VPS53: variants seen among roughly 807,000 people sequenced by gnomAD.
VPS53 encodes VPS53 subunit of GARP complex, also known as vacuolar protein sorting-associated protein 53 homolog.
In VPS53, 70 loss-of-function variants were observed where a neutral mutation model predicts 107.0. The ratio of observed to expected loss-of-function variants is 0.65; its 90% CI spans 0.54 to 0.80. The LOEUF (loss-of-function observed/expected upper bound fraction) is 0.80, where lower values mean the gene tolerates loss of function less well. VPS53 is among the 30% of genes least tolerant of loss of function. The pLI is 0.00. For missense variants in VPS53, 917 were observed against 1,049.4 expected (o/e 0.87, Z 1.74); for synonymous variants, 409 against 393.3 (o/e 1.04, Z -0.47).
chr17:662,004 T>A, intron 4 of VPS53, 109 bp from the exon 5 acceptor site: 9 of 995,192 alleles, frequency 9.0e-6, no homozygotes, highest in Non-Finnish European at 1.3e-5. Flanking sequence ...CTCTCCTGAT[T>A]CATTGTACTT....
intron 19 of VPS53, among the ~76,000 whole-genome samples, chr17:531,592 T>C (rs984280422): frequency 4.6e-5 from 7 of 151,492 alleles, no homozygotes; most frequent in African/African-American, 1.7e-4. Flanking sequence ...TCAGCCTGGA[T>C]TCAAAGAATC....
At position 562,673 on chromosome 17, in the gene VPS53, A is replaced by G; in HGVS notation, c.1386T>C (p.Asp462=). 6.2e-7 allele frequency: 1 copy of G among 1,613,610 alleles called. No homozygotes were observed. Among genetic ancestry groups the G allele is most frequent in the Non-Finnish European group, 8.5e-7 (1 of 1,179,896 alleles). ...KAQGPPKPNT[D]EGGAVLPSCA... is the part of the protein sequence containing the mutation. ...AGCTGGGGAGCACGGCACCCCCTTC[A>G]TCAGTGTTGGGCTTAGGTGGCCCCT... Residue 462 remains aspartate (D), a synonymous_variant, in exon 14 of 22, where the codon GAT becomes GAC. Transcript: ENST00000437048.
At chr17:682,738 T>C (rs144852484) in intron 4 of VPS53, among the ~76,000 whole-genome samples, 4 of 150,566 alleles carry the variant, frequency 2.7e-5, no homozygotes, top group East Asian at 3.9e-4. Flanking sequence ...TTAAGACATA[T>C]ATACGCCAAA....
rs73975719 is a variant in VPS53 at position 631,431 on chromosome 17, A to G, written c.687+119T>C. ...TCTCATTACCCTGAACCTGCAGCAG[A>G]AGGATTTGCAGCTGCCAGCGAGCAT... On this transcript the variant is annotated intron_variant, in intron 8 of 21. Transcript: ENST00000437048. 6.5e-4 allele frequency: 688 copies of G among 1,054,102 alleles called. 6 individuals carry two copies. In the African/African-American group the frequency reaches 9.8e-3, roughly 15 times the overall value. The allele number at this position is 1,054,102 out of a possible 1,614,324, so 65.3% of individuals were successfully genotyped here.
chr17:543,257 T>C (rs1193656945), intron 17 of VPS53, among the ~76,000 whole-genome samples: 1 of 152,206 alleles, frequency 6.6e-6, no homozygotes, highest in Non-Finnish European at 1.5e-5. Flanking sequence ...CAGATCTGCA[T>C]TTTAATGACT....
intron 4 of VPS53, among the ~76,000 whole-genome samples, chr17:693,985 T>A (rs879379350): frequency 1.3e-5 from 2 of 152,114 alleles, no homozygotes; most frequent in Non-Finnish European, 2.9e-5. Context: ...TGCAGTCAAA[T>A]AGACTCCTTT....
At chr17:610,170 CACACACACAA>C (rs1284255322) in intron 11 of VPS53, among the ~76,000 whole-genome samples, 12 of 90,700 alleles carry the variant, frequency 1.3e-4, no homozygotes, top group African/African-American at 3.8e-4. Flanking sequence ...CACACACACA[CACACACACAA>C]ATTAGTAGAC....
intron 17 of VPS53, chr17:537,496 C>A: frequency 4.4e-6 from 1 of 227,670 alleles, no homozygotes; most frequent in Non-Finnish European, 8.8e-6. Flanking sequence ...CTGCCGAGTG[C>A]CCCACAGCAG....
chr17:707,426 A>G (rs992723361), intron 2 of VPS53, among the ~76,000 whole-genome samples: 1 of 151,940 alleles, frequency 6.6e-6, no homozygotes, highest in Non-Finnish European at 1.5e-5. Context: ...AGGCTGACAC[A>G]GGAGAATCAC....
intron 5 of VPS53, chr17:657,161 G>C (rs915904134): frequency 1.3e-6 from 2 of 1,499,228 alleles, no homozygotes; most frequent in African/African-American, 1.4e-5. Context: ...CGAGCATCAT[G>C]AGTCACCAGA....
intron 7 of VPS53, among the ~76,000 whole-genome samples, chr17:634,335 T>C (rs1325039318): frequency 3.3e-5 from 5 of 152,348 alleles, no homozygotes; most frequent in South Asian, 2.1e-4. Flanking sequence ...CTCTGATTTG[T>C]AGACTTCCTT....
chr17:526,065 GAGT>G (rs1406485669), intron 19 of VPS53, among the ~76,000 whole-genome samples: 2 of 149,486 alleles, frequency 1.3e-5, no homozygotes, highest in African/African-American at 4.9e-5. Flanking sequence ...TTGCTGAGCT[GAGT>G]AGTTAGTTAC....
chr17:625,475 T>TA (rs34322673), intron 10 of VPS53, among the ~76,000 whole-genome samples: 38,275 of 136,260 alleles, frequency 0.28, 5,455 homozygotes, highest in East Asian at 0.63. Flanking sequence ...CCCCATCTCT[T>TA]AAAAAAAAAA....
intron 4 of VPS53, among the ~76,000 whole-genome samples, chr17:695,868 G>A (rs959628617): frequency 1.4e-4 from 22 of 152,174 alleles, no homozygotes; most frequent in African/African-American, 5.3e-4. Flanking sequence ...TTCATTTAGT[G>A]GCCAGAGCTG....
intron 12 of VPS53, among the ~76,000 whole-genome samples, chr17:590,534 G>T (rs1304172107): frequency 6.6e-5 from 10 of 151,834 alleles, no homozygotes; most frequent in Non-Finnish European, 1.3e-4. Context: ...TAGCGCTTAT[G>T]ATTTTGAGAT....
At position 517,871 on chromosome 17, in the gene VPS53, C is replaced by T. The variant is rs1020781893; in HGVS notation, c.*1257G>A. 1.5e-4 allele frequency: 23 copies of T among 153,858 alleles called. No homozygotes were observed. The highest frequency in any genetic ancestry group is 5.3e-4 in the African/African-American group (22 of 41,520). The allele number at this position is 153,858 out of a possible 1,614,324, so 9.5% of individuals were successfully genotyped here. A position where few individuals can be genotyped will look rare whatever the true frequency, so the allele number is the denominator to read the frequency against. ...AGGTTGCCCAGACTGGTCTCAAACT[C>T]CTGAGCTCAAGCAATCTGCCCACCT... On this transcript the variant is annotated 3_prime_UTR_variant, in exon 22 of 22. Transcript: ENST00000437048.
At chr17:580,130 G>A (rs2151880009) in intron 13 of VPS53, among the ~76,000 whole-genome samples, 1 of 150,782 alleles carries the variant, frequency 6.6e-6, no homozygotes, top group East Asian at 2.0e-4. Context: ...ACCTCCCTCA[G>A]AACCTAATGT....
intron 12 of VPS53, among the ~76,000 whole-genome samples, chr17:592,745 C>G (rs575439492): frequency 2.0e-5 from 3 of 152,310 alleles, no homozygotes; most frequent in East Asian, 3.9e-4. Flanking sequence ...AGAGTTTCTG[C>G]CGAGAGATCT....
At chr17:646,193 C>T (rs1970694530) in intron 7 of VPS53, among the ~76,000 whole-genome samples, 2 of 126,728 alleles carry the variant, frequency 1.6e-5, no homozygotes. Flanking sequence ...TGGAGACTGG[C>T]TCCCACACAC....
Sources: gnomAD v4.1 joint callset for allele counts (sites outside exome capture counted in the v4.1 genomes callset) on GRCh38, gnomAD v4.1.1 for gene constraint, MANE v1.5 for transcripts, NCBI Gene and HGNC (gene_info 2026-07-23, HGNC 2026-07-21) for gene names.